Variants in FOCAD observed in about 807,000 individuals in gnomAD.
FOCAD encodes the protein KIAA1797.
A neutral mutation model predicts 225.6 loss-of-function variants in FOCAD; 198 were observed. The ratio of observed to expected loss-of-function variants is 0.88; its 90% CI spans 0.78 to 0.99. FOCAD has a LOEUF of 0.99. FOCAD is among the 50% of genes least tolerant of loss of function. The pLI, the probability that FOCAD is intolerant of heterozygous loss-of-function variation, is 0.00. For synonymous variants in FOCAD, 897 were observed against 755.0 expected (o/e 1.19, Z -3.08); for missense variants, 2,713 against 2,123.6 (o/e 1.28, Z -5.46).
intron 14 of FOCAD, 87 bp downstream of exon 14, chr9:20,821,158 G>T: frequency 1.5e-6 from 2 of 1,312,106 alleles, no homozygotes; most frequent in South Asian, 3.0e-5. Context: ...GGCAAGAAAA[G>T]ATAGGCAGAG....
intron 11 of FOCAD, among the ~76,000 whole-genome samples, chr9:20,817,737 CT>C (rs1823880209): frequency 6.6e-6 from 1 of 151,828 alleles, no homozygotes; most frequent in Non-Finnish European, 1.5e-5. Context: ...ATTTTTATGG[CT>C]GAATAATATC....
chr9:20,758,883 A>C (rs1829309687), intron 6 of FOCAD, among the ~76,000 whole-genome samples: 1 of 152,208 alleles, frequency 6.6e-6, no homozygotes. Context: ...GACTCAGCCC[A>C]AAATCTCCTT....
At chr9:20,801,526 T>C (rs554145772) in intron 11 of FOCAD, among the ~76,000 whole-genome samples, 1 of 152,302 alleles carries the variant, frequency 6.6e-6, no homozygotes, top group African/African-American at 2.4e-5. Flanking sequence ...AATACAGTTA[T>C]TGAGGCACTC....
chr9:20,971,351 C>A (rs1839744423), intron 35 of FOCAD, among the ~76,000 whole-genome samples: 1 of 152,114 alleles, frequency 6.6e-6, no homozygotes, highest in Admixed American at 6.6e-5. Flanking sequence ...ACCAATTATG[C>A]TGCTATTTCT....
At chr9:20,809,275 C>G (rs1822795957) in intron 11 of FOCAD, among the ~76,000 whole-genome samples, 1 of 152,160 alleles carries the variant, frequency 6.6e-6, no homozygotes, top group African/African-American at 2.4e-5. Flanking sequence ...TCCAAAAGAA[C>G]TTTCTGCTAT....
intron 15 of FOCAD, among the ~76,000 whole-genome samples, chr9:20,838,591 T>A (rs925282247): frequency 2.0e-5 from 3 of 152,170 alleles, no homozygotes; most frequent in Non-Finnish European, 4.4e-5. Flanking sequence ...TAGGAGTGCA[T>A]TTCCTTCTAT....
At chr9:20,689,072 T>C (rs1186211236) in intron 1 of FOCAD, among the ~76,000 whole-genome samples, 1 of 152,120 alleles carries the variant, frequency 6.6e-6, no homozygotes, top group Non-Finnish European at 1.5e-5. Flanking sequence ...AGCTGAAAGA[T>C]TGAGATAACA....
intron 1 of FOCAD, among the ~76,000 whole-genome samples, chr9:20,696,868 AGAG>A (rs1823415687): frequency 6.6e-6 from 1 of 152,112 alleles, no homozygotes; most frequent in South Asian, 2.1e-4. Flanking sequence ...GGAATTGTTA[AGAG>A]GTGATTGTCA....
In FOCAD at chr9:20,778,726, C is replaced by G; in HGVS notation, c.952C>G (p.Leu318Val). Residue 318 changes from leucine (L) to valine (V), a missense_variant, in exon 9 of 44, where the codon CTA becomes GTA. Physicochemically the swap from Leu to Val is conservative, Grantham distance 32 (BLOSUM62 1). Coordinates refer to ENST00000338382, the MANE Select transcript of FOCAD (RefSeq NM_001375567.1). The part of the protein sequence containing the change: ...LVIIGIALLL[L>V]QTPASQQKPI... Reference sequence around the variant, plus strand: ...CATAATTGGAATAGCTTTACTACTTCTACAGACTCCAGCAAGTCAGCAGAA... The same window carrying G: ...CATAATTGGAATAGCTTTACTACTTGTACAGACTCCAGCAAGTCAGCAGAA... 6.2e-7 allele frequency: 1 copy of G among 1,612,382 alleles called. No individual in the cohort carries two copies.
intron 10 of FOCAD, among the ~76,000 whole-genome samples, chr9:20,788,307 G>A (rs148240718): frequency 7.9e-4 from 120 of 152,196 alleles, no homozygotes; most frequent in African/African-American, 2.8e-3. Context: ...GAGGGTTGGG[G>A]GAGTAAGGAG....
chr9:20,900,828 A>G (rs1318853707), intron 21 of FOCAD, among the ~76,000 whole-genome samples: 1 of 151,874 alleles, frequency 6.6e-6, no homozygotes, highest in Non-Finnish European at 1.5e-5. Flanking sequence ...GATGTGACTG[A>G]ATTGTCAGCT....
chr9:20,796,833 G>A (rs1046449139), intron 11 of FOCAD, among the ~76,000 whole-genome samples: 1 of 151,590 alleles, frequency 6.6e-6, no homozygotes, highest in African/African-American at 2.4e-5. Context: ...GATCCCATTT[G>A]TCAATTTTGG....
intron 20 of FOCAD, among the ~76,000 whole-genome samples, chr9:20,884,115 CTT>C (rs1830904259): frequency 6.6e-6 from 1 of 152,082 alleles, no homozygotes; most frequent in African/African-American, 2.4e-5. Flanking sequence ...AAGTATTTCT[CTT>C]TAATTGAAAT....
At chr9:20,830,507 T>G (rs1031053692) in intron 15 of FOCAD, among the ~76,000 whole-genome samples, 1 of 152,144 alleles carries the variant, frequency 6.6e-6, no homozygotes, top group East Asian at 1.9e-4. Context: ...TTTCATTGTA[T>G]TTTCTTTATT....
intron 1 of FOCAD, among the ~76,000 whole-genome samples, chr9:20,709,421 A>G (rs760687521): frequency 1.3e-5 from 2 of 151,774 alleles, no homozygotes; most frequent in Admixed American, 6.6e-5. Flanking sequence ...TCCTTAATGT[A>G]TAAAATACCC....
chr9:20,716,611 T>G (rs1825357700), intron 2 of FOCAD, among the ~76,000 whole-genome samples: 1 of 152,202 alleles, frequency 6.6e-6, no homozygotes, highest in South Asian at 2.1e-4. Flanking sequence ...TGTTTCATAT[T>G]AGTTTTATTA....
intron 15 of FOCAD, among the ~76,000 whole-genome samples, chr9:20,857,495 A>C (rs1030975269): frequency 2.0e-5 from 3 of 151,814 alleles, no homozygotes; most frequent in Non-Finnish European, 2.9e-5. Context: ...GTTTTGGTAG[A>C]GTCTCTAGGT....
chr9:20,928,440 A>G (rs898016959), intron 26 of FOCAD, among the ~76,000 whole-genome samples: 1 of 152,190 alleles, frequency 6.6e-6, no homozygotes, highest in Non-Finnish European at 1.5e-5. Context: ...AACATATTTT[A>G]ATGTGCTTTA....
chr9:20,715,437 A>G (rs1825253645), intron 2 of FOCAD, 27 bp downstream of exon 2: 2 of 1,420,296 alleles, frequency 1.4e-6, no homozygotes, highest in Non-Finnish European at 1.9e-6. Flanking sequence ...ATTTTTGCTC[A>G]TGGTAACAAA....
Sources: allele counts gnomAD v4.1 joint callset (sites outside exome capture counted in the v4.1 genomes callset), GRCh38; gene constraint gnomAD v4.1.1; transcripts MANE v1.5; gene names NCBI Gene and HGNC (gene_info 2026-07-23, HGNC 2026-07-21).